The following NAALADL2 variants were observed in gnomAD, a reference collection of about 807,000 sequenced individuals.
The protein encoded by NAALADL2 is inactive N-acetylated-alpha-linked acidic dipeptidase-like protein 2.
In NAALADL2, 76 loss-of-function variants were observed where a neutral mutation model predicts 87.2. That is an observed-to-expected ratio of 0.87 (90% CI 0.72 to 1.05). The LOEUF is 1.05. NAALADL2 is among the 50% of genes least tolerant of loss of function. NAALADL2 has a pLI of 0.00. For missense variants in NAALADL2, 1,089 were observed against 945.8 expected, an observed-to-expected ratio of 1.15 and a Z score of -1.99; for synonymous variants, 354 against 331.0, an observed-to-expected ratio of 1.07 and a Z score of -0.75.
In NAALADL2 at chr3:175,538,511, CT is replaced by C. The variant is rs199551048; in HGVS notation, c.1654-37527del. Among the ~76,000 whole-genome samples, 1,418 of 152,164 alleles carry C rather than the reference CT, an allele frequency of 9.3e-3. 46 individuals are homozygous for C. The highest frequency in any genetic ancestry group is 0.056 in the Admixed American group (855 of 15,284). On this transcript the variant is annotated intron_variant, in intron 9 of 13. Transcript: ENST00000454872. Reference sequence around the variant, plus strand: ...ATGAGCCCCATAGAATAGGTCCTGGCTTTGTTCAAACTTTCTTCCCAAACAA... The same window carrying C: ...ATGAGCCCCATAGAATAGGTCCTGGCTTGTTCAAACTTTCTTCCCAAACAA...
intron 5 of NAALADL2, among the ~76,000 whole-genome samples, chr3:175,403,073 G>T (rs566290507): frequency 6.6e-6 from 1 of 152,150 alleles, no homozygotes; most frequent in African/African-American, 2.4e-5. Context: ...TTTTGTTTGG[G>T]GATGTGTGTG....
chr3:175,601,920 T>C (rs1336680188), intron 10 of NAALADL2, among the ~76,000 whole-genome samples: 3 of 152,226 alleles, frequency 2.0e-5, no homozygotes, highest in African/African-American at 4.8e-5. Context: ...AGAATTAAGC[T>C]GCGTGCTTCT....
At chr3:175,519,040 G>C (rs565392965) in intron 9 of NAALADL2, among the ~76,000 whole-genome samples, 1 of 152,314 alleles carries the variant, frequency 6.6e-6, no homozygotes, top group South Asian at 2.1e-4. Context: ...TTAATAGCCT[G>C]ACTGGGGAAC....
intron 3 of NAALADL2, among the ~76,000 whole-genome samples, chr3:174,819,240 T>A (rs1215471789): frequency 6.6e-6 from 1 of 151,628 alleles, no homozygotes; most frequent in Non-Finnish European, 1.5e-5. Context: ...AAATTTTGTA[T>A]GTTTTGTAGA....
intron 2 of NAALADL2, among the ~76,000 whole-genome samples, chr3:174,718,313 T>C (rs957421435): frequency 5.9e-5 from 9 of 152,184 alleles, no homozygotes; most frequent in Admixed American, 2.0e-4. Flanking sequence ...TTGACCTTGA[T>C]TGAAGACCAT....
chr3:175,644,559 A>G (rs766003127), intron 11 of NAALADL2, among the ~76,000 whole-genome samples: 7 of 152,146 alleles, frequency 4.6e-5, no homozygotes, highest in Non-Finnish European at 8.8e-5. Context: ...ATGTAGATGT[A>G]TAGGCTTGTT....
intron 5 of NAALADL2, among the ~76,000 whole-genome samples, chr3:175,377,382 A>T (rs542943628): frequency 4.2e-4 from 64 of 152,256 alleles, no homozygotes; most frequent in African/African-American, 1.3e-3. Flanking sequence ...CTCTGATATT[A>T]TCAGTTTTTT....
intron 1 of NAALADL2, among the ~76,000 whole-genome samples, chr3:174,974,685 CT>C (rs1283486803): frequency 6.6e-6 from 1 of 152,030 alleles, no homozygotes; most frequent in East Asian, 1.9e-4. Flanking sequence ...GAAAATGGAG[CT>C]GATATAATCA....
At chr3:175,610,710 T>A (rs895888502) in intron 10 of NAALADL2, among the ~76,000 whole-genome samples, 2 of 152,188 alleles carry the variant, frequency 1.3e-5, no homozygotes, top group East Asian at 3.9e-4. Flanking sequence ...AGACATTGCA[T>A]TCACATGAAC....
intron 9 of NAALADL2, among the ~76,000 whole-genome samples, chr3:175,534,395 T>G (rs2149451663): frequency 6.6e-6 from 1 of 152,320 alleles, no homozygotes; most frequent in Non-Finnish European, 1.5e-5. Flanking sequence ...ACTTGGAGTC[T>G]GATGTTCAAA....
intron 3 of NAALADL2, among the ~76,000 whole-genome samples, chr3:174,785,702 T>TA (rs1282540000): frequency 2.0e-5 from 3 of 152,152 alleles, no homozygotes; most frequent in African/African-American, 7.2e-5. Context: ...ATGTAGGCTT[T>TA]AAAAAAAGAC....
At chr3:175,008,812 A>G (rs1182319275) in intron 1 of NAALADL2, among the ~76,000 whole-genome samples, 2 of 151,850 alleles carry the variant, frequency 1.3e-5, no homozygotes, top group Non-Finnish European at 1.5e-5. Flanking sequence ...TGGTCCAGCC[A>G]TCATTTTTTG....
chr3:174,556,390 C>T (rs1324042285), intron 2 of NAALADL2, among the ~76,000 whole-genome samples: 3 of 151,852 alleles, frequency 2.0e-5, no homozygotes, highest in Non-Finnish European at 4.4e-5. Flanking sequence ...CTTAGATTTT[C>T]GACGTATTAA....
intron 2 of NAALADL2, among the ~76,000 whole-genome samples, chr3:174,586,885 C>T (rs1222601445): frequency 6.6e-6 from 1 of 151,878 alleles, no homozygotes; most frequent in Non-Finnish European, 1.5e-5. Flanking sequence ...GCACAACATG[C>T]AGGTTTGTTA....
At chr3:175,159,291 T>C (rs1342019148) in intron 2 of NAALADL2, among the ~76,000 whole-genome samples, 1 of 152,140 alleles carries the variant, frequency 6.6e-6, no homozygotes, top group Non-Finnish European at 1.5e-5. Context: ...TTGATTGATA[T>C]CAAAACTACA....
At chr3:175,759,890 G>A (rs1482935816) in intron 13 of NAALADL2, among the ~76,000 whole-genome samples, 2 of 152,168 alleles carry the variant, frequency 1.3e-5, no homozygotes, top group Non-Finnish European at 1.5e-5. Flanking sequence ...TAAATGCTCT[G>A]TTGAGAGGTT....
intron 5 of NAALADL2, among the ~76,000 whole-genome samples, chr3:175,394,093 A>ATAC (rs1415630761): frequency 6.6e-6 from 1 of 152,124 alleles, no homozygotes; most frequent in Non-Finnish European, 1.5e-5. Flanking sequence ...GATAGCCAAT[A>ATAC]TACTCTTTGC....
chr3:174,835,973 A>G (rs1471259443), intron 3 of NAALADL2, among the ~76,000 whole-genome samples: 3 of 152,214 alleles, frequency 2.0e-5, no homozygotes, highest in African/African-American at 7.2e-5. Flanking sequence ...AACAGACCAT[A>G]TGATCCAAAG....
chr3:175,164,973 C>T (rs1733773269), intron 2 of NAALADL2, among the ~76,000 whole-genome samples: 1 of 152,150 alleles, frequency 6.6e-6, no homozygotes, highest in Non-Finnish European at 1.5e-5. Context: ...TTCTGCCGCA[C>T]CCCTTGCCAT....
Sources: gnomAD v4.1 joint callset for allele counts (sites outside exome capture counted in the v4.1 genomes callset) on GRCh38, gnomAD v4.1.1 for gene constraint, MANE v1.5 for transcripts, NCBI Gene and HGNC (gene_info 2026-07-23, HGNC 2026-07-21) for gene names.